TSHZ3: variants seen among roughly 807,000 people sequenced by gnomAD.
The protein encoded by TSHZ3 is teashirt zinc finger homeobox 3.
A neutral mutation model predicts 64.5 loss-of-function variants in TSHZ3; 10 were observed. That is an observed-to-expected ratio of 0.16 (90% CI 0.10 to 0.26). The LOEUF (loss-of-function observed/expected upper bound fraction) is 0.26. Among genes scored for constraint, TSHZ3 ranks in the 10% least tolerant of loss-of-function variants. TSHZ3 has a pLI of 1.00. For synonymous variants in TSHZ3, 608 were observed against 593.1 expected, an observed-to-expected ratio of 1.03 and a Z score of -0.36; for missense variants, 1,242 against 1,421.7, an observed-to-expected ratio of 0.87 and a Z score of 2.03.
chr19:31,216,624 T>TTTTTG lies in TSHZ3; in HGVS notation n.686+11376_686+11380dup, dbSNP rs768656673. 3.5e-4 allele frequency among the ~76,000 whole-genome samples: 53 copies of TTTTTG among 150,840 alleles called. 1 individual carries two copies. The highest frequency in any genetic ancestry group is 9.5e-4 in the African/African-American group (39 of 40,966). ...CTACCACACCCAGCTAATTTTTGTA[T>TTTTTG]TTTTGTTTTGTTTTGTTTTGTTTTG... On this transcript the variant is annotated intron_variant and non_coding_transcript_variant, in intron 4 of 6. Transcript: ENST00000651361.
chr19:31,318,885 C>G (rs964838228), intron 1 of TSHZ3, among the ~76,000 whole-genome samples: 23 of 152,162 alleles, frequency 1.5e-4, no homozygotes, highest in African/African-American at 5.6e-4. Flanking sequence ...AATACTGTGG[C>G]AAACACCTAG....
chr19:31,232,092 C>T (rs1259410712), intron 3 of TSHZ3, among the ~76,000 whole-genome samples: 4 of 152,054 alleles, frequency 2.6e-5, no homozygotes, highest in Non-Finnish European at 4.4e-5. Flanking sequence ...GGAGCCAAAG[C>T]AGGTTGCCTC....
chr19:31,270,998 G>A (rs146001779), downstream of TSHZ3, among the ~76,000 whole-genome samples: 69 of 152,250 alleles, frequency 4.5e-4, no homozygotes, highest in Non-Finnish European at 7.1e-4. Flanking sequence ...TGGACCAGAG[G>A]TGGGGCACTG....
intron 1 of TSHZ3, among the ~76,000 whole-genome samples, chr19:31,250,714 G>A (rs1414211542): frequency 6.6e-6 from 1 of 152,206 alleles, no homozygotes; most frequent in Admixed American, 6.5e-5. Flanking sequence ...GAAGCCGGCT[G>A]GCGCTGTCAT....
At chr19:31,243,210 A>G (rs934521726) in intron 1 of TSHZ3, among the ~76,000 whole-genome samples, 3 of 152,234 alleles carry the variant, frequency 2.0e-5, no homozygotes, top group Non-Finnish European at 4.4e-5. Context: ...TAAGAGAAGT[A>G]TAGTACTTCA....
chr19:31,178,509 A>G (rs1488546943), intron 5 of TSHZ3, among the ~76,000 whole-genome samples: 3 of 152,284 alleles, frequency 2.0e-5, no homozygotes, highest in African/African-American at 7.2e-5. Context: ...TTGAAACTCC[A>G]TCTCTACTAA....
intron 4 of TSHZ3, among the ~76,000 whole-genome samples, chr19:31,205,331 T>C (rs1296435274): frequency 1.3e-5 from 2 of 152,224 alleles, no homozygotes; most frequent in Non-Finnish European, 2.9e-5. Flanking sequence ...TCTCAGCTAG[T>C]AAGTGGAGGC....
intron 1 of TSHZ3, among the ~76,000 whole-genome samples, chr19:31,337,090 CTT>C (rs1346802201): frequency 5.6e-5 from 8 of 142,200 alleles, no homozygotes; most frequent in African/African-American, 2.1e-4. Flanking sequence ...TCTTTTCTCT[CTT>C]TGATTAATTA....
At chr19:31,259,498 C>T (rs377572898) in intron 1 of TSHZ3, among the ~76,000 whole-genome samples, 1 of 152,158 alleles carries the variant, frequency 6.6e-6, no homozygotes, top group African/African-American at 2.4e-5. Flanking sequence ...TCGAAGCATG[C>T]GTCTGAGAAA....
In TSHZ3 at chr19:31,276,756, G is replaced by T; in HGVS notation, c.3037C>A (p.Gln1013Lys). 6.2e-7 allele frequency: 1 copy of T among 1,613,824 alleles called. No individual in the cohort carries two copies. The highest frequency in any genetic ancestry group is 8.5e-7 in the Non-Finnish European group (1 of 1,179,724). ...LRDLSKLSTE[Q>K]INSQIAQTKS... ...GTTTGTGCTATCTGACTGTTAATCT[G>T]TTCGGTGGACAGTTTGGATAAGTCC... Residue 1013 changes from glutamine to lysine, a missense_variant, in exon 2 of 2, where the codon CAG becomes AAG. By Grantham distance (53) the Gln-to-Lys change is moderately conservative. Coordinates refer to ENST00000240587, the MANE Select transcript of TSHZ3 (RefSeq NM_020856.4).
chr19:31,219,917 T>C (rs1363650688), intron 4 of TSHZ3, among the ~76,000 whole-genome samples: 6 of 150,028 alleles, frequency 4.0e-5, no homozygotes, highest in African/African-American at 1.5e-4. Context: ...TTAAAATATA[T>C]ATATTCAATT....
At chr19:31,328,974 G>T (rs1424686124) in intron 1 of TSHZ3, among the ~76,000 whole-genome samples, 1 of 152,122 alleles carries the variant, frequency 6.6e-6, no homozygotes, top group Non-Finnish European at 1.5e-5. Flanking sequence ...GGAAGAGTTG[G>T]TAGTCAACTT....
intron 5 of TSHZ3, among the ~76,000 whole-genome samples, chr19:31,177,191 TCAATGGAC>T (rs1187990426): frequency 6.6e-6 from 1 of 152,202 alleles, no homozygotes; most frequent in Non-Finnish European, 1.5e-5. Context: ...GAAGGATGCA[TCAATGGAC>T]CATGGCGCCT....
chr19:31,252,297 C>T (rs1975853806), intron 1 of TSHZ3, among the ~76,000 whole-genome samples: 1 of 152,144 alleles, frequency 6.6e-6, no homozygotes, highest in Non-Finnish European at 1.5e-5. Flanking sequence ...ATCTCTGCCT[C>T]TGTCTTCGCT....
chr19:31,218,832 T>G (rs1340399801), intron 4 of TSHZ3, among the ~76,000 whole-genome samples: 1 of 152,236 alleles, frequency 6.6e-6, no homozygotes, highest in Admixed American at 6.5e-5. Flanking sequence ...TGATTCTAAC[T>G]TAAACCTTTA....
Position 31,277,955 on chromosome 19 carries a change from A to G in TSHZ3, c.1838T>C (p.Leu613Pro). 6.2e-7 allele frequency: 1 copy of G among 1,614,180 alleles called. No homozygotes were observed. The highest frequency in any genetic ancestry group is 2.2e-5 in the East Asian group (1 of 44,872). Residue 613 changes from leucine (L) to proline (P), a missense_variant, in exon 2 of 2, where the codon CTG (leucine) becomes CCG (proline). This residue lies in a region of TSHZ3 where 550 missense variants were observed against 545.1 expected (regional missense o/e 1.01). Coordinates refer to ENST00000240587, the MANE Select transcript of TSHZ3 (RefSeq NM_020856.4). This position sits in a 1 kb window ranked among gnomAD's most constrained non-coding sequence, Gnocchi z 4.5. ...AACTTTCTCAGTGACCTTTTTCACC[A>G]GCTCCTCCATGGCATGAAAGTTTGT... ...PKTNFHAMEE[L>P]VKKVTEKVAK...
At chr19:31,287,095 T>C (rs1016572428) in intron 1 of TSHZ3, among the ~76,000 whole-genome samples, 12 of 152,034 alleles carry the variant, frequency 7.9e-5, no homozygotes, top group Admixed American at 2.0e-4. Context: ...AAAGAGGAAG[T>C]GTTGGCTGGG....
chr19:31,255,724 G>A (rs531717387), intron 1 of TSHZ3, among the ~76,000 whole-genome samples: 96 of 152,246 alleles, frequency 6.3e-4, no homozygotes, highest in African/African-American at 1.3e-3. Context: ...AGGGGTCTGC[G>A]CATGGGAATT....
chr19:31,188,295 C>T (rs908584543), intron 5 of TSHZ3, among the ~76,000 whole-genome samples: 1 of 151,832 alleles, frequency 6.6e-6, no homozygotes, highest in Admixed American at 6.6e-5. Flanking sequence ...GGATTTTCTA[C>T]ATGTACAATT....
Sources: gnomAD v4.1 joint callset for allele counts (sites outside exome capture counted in the v4.1 genomes callset) on GRCh38, gnomAD v4.1.1 for gene constraint, gnomAD v4.1.1 regional missense constraint, Gnocchi (gnomAD v3.1) non-coding constraint, MANE v1.5 for transcripts, NCBI Gene and HGNC (gene_info 2026-07-23, HGNC 2026-07-21) for gene names.